The following COL16A1 variants were observed in gnomAD, a reference collection of about 807,000 sequenced individuals.
COL16A1 encodes the protein collagen alpha-1(XVI) chain.
COL16A1 carries 189 observed loss-of-function variants against 266.3 expected under a neutral mutation model. The ratio of observed to expected loss-of-function variants is 0.71; its 90% CI spans 0.63 to 0.80. The LOEUF (loss-of-function observed/expected upper bound fraction) is 0.80, where lower values mean the gene tolerates loss of function less well. COL16A1 is among the 30% of genes least tolerant of loss of function. The probability of loss-of-function intolerance (pLI) is 0.00; values close to 1 mark genes in which losing one functional copy is unlikely to be tolerated. For synonymous variants in COL16A1, 740 were observed against 782.3 expected (o/e 0.95, Z 0.90); for missense variants, 1,928 against 2,122.4 (o/e 0.91, Z 1.80).
rs1233386930 is a variant in COL16A1, at chr1:31,679,703, G to C, written c.2719-18C>G. The C allele has an allele frequency of 6.2e-7, 1 of 1,613,932 alleles. No individual in the cohort carries two copies. The highest frequency in any genetic ancestry group is 8.5e-7 in the Non-Finnish European group (1 of 1,179,966). ...GGTGGACCCTGAGGGAGAGAGAAAA[G>C]AGTCAGAGCCAGCAGAGAGCTCTGC... is the stretch of plus-strand genomic sequence containing the variant. On this transcript the variant is annotated intron_variant, in intron 41 of 70. Coordinates refer to ENST00000373672, the MANE Select transcript of COL16A1 (RefSeq NM_001856.4).
chr1:31,672,336 G>C, intron 47 of COL16A1, 80 bp downstream of exon 47: 1 of 1,526,328 alleles, frequency 6.6e-7, no homozygotes, highest in Non-Finnish European at 9.0e-7. Context: ...GTCAGGTGAG[G>C]CCTCGGAGGC....
intron 42 of COL16A1, among the ~76,000 whole-genome samples, chr1:31,677,567 A>G (rs1557650186): frequency 6.6e-6 from 1 of 152,208 alleles, no homozygotes; most frequent in South Asian, 2.1e-4. Flanking sequence ...AGCTGGGCTC[A>G]ATGACCTACT....
rs1641234509 is a variant in COL16A1, at chr1:31,657,126, G to A, written c.4021-58C>T. 1.9e-6 allele frequency: 3 copies of A among 1,607,548 alleles called. No homozygotes were observed. The highest frequency in any genetic ancestry group is 2.2e-5 in the South Asian group (2 of 90,960). On this transcript the variant is annotated intron_variant, in intron 64 of 70. Transcript: ENST00000373672. This position sits in a 1 kb window ranked among gnomAD's most constrained non-coding sequence, Gnocchi z 6.4. The stretch of plus-strand genomic sequence containing the variant: ...GCTCCAACCCAGTTTGGTGTCAGAT[G>A]CCTCACTTTGTACATGGGGCAAGCC...
At position 31,698,595 on chromosome 1, in the gene COL16A1, G is replaced by C; in HGVS notation, c.278C>G (p.Pro93Arg). The C allele has an allele frequency of 6.2e-7, 1 of 1,613,960 alleles. No homozygotes were observed. The highest frequency in any genetic ancestry group is 8.5e-7 in the Non-Finnish European group (1 of 1,179,984). Residue 93 changes from proline to arginine, a missense_variant, in exon 5 of 71, where the codon CCT (proline) becomes CGT (arginine). Coordinates refer to ENST00000373672, the MANE Select transcript of COL16A1 (RefSeq NM_001856.4). This position sits in a 1 kb window ranked among gnomAD's most constrained non-coding sequence, Gnocchi z 4.1. Reference sequence around the variant, plus strand: ...GGCAAACTCCTCCGGGAGACCCCGAGGGAATACTCTTCTGGAGATGGAGCA... The same window carrying C: ...GGCAAACTCCTCCGGGAGACCCCGACGGAATACTCTTCTGGAGATGGAGCA... ...PVTQPTRRVF[P>R]RGLPEEFALV...
rs1024545465 is a variant in COL16A1 at position 31,685,787 on chromosome 1, T to C, written c.1885-17A>G. 4.3e-6 allele frequency: 7 copies of C among 1,613,142 alleles called. No individual in the cohort carries two copies. The highest frequency in any genetic ancestry group is 5.9e-6 in the Non-Finnish European group (7 of 1,179,640). ...GGGCTCCCCCTGCCAAGCAAGGACA[T>C]TGAGTTAGGGGGTCCCCCAGGCCCT... is the stretch of plus-strand genomic sequence containing the variant. On this transcript the variant is annotated splice_polypyrimidine_tract_variant and intron_variant, in intron 28 of 70. Transcript: ENST00000373672. The surrounding 1 kb of genome is among the most constrained non-coding windows in gnomAD (Gnocchi z 4.0).
intron 49 of COL16A1, among the ~76,000 whole-genome samples, chr1:31,669,234 C>T (rs1642428051): frequency 6.6e-6 from 1 of 152,092 alleles, no homozygotes; most frequent in Non-Finnish European, 1.5e-5. Flanking sequence ...TTCTGAGGGG[C>T]AACTGTCAGG....
rs369244715 is a variant in COL16A1, at chr1:31,680,033, G to A, written c.2670+9C>T. 3.6e-5 allele frequency: 58 copies of A among 1,613,668 alleles called. No individual in the cohort carries two copies. The highest frequency in any genetic ancestry group is 4.3e-5 in the Non-Finnish European group (51 of 1,179,790). ...CCAGTTGGGGGAAGGCTCTCACAGC[G>A]CCACTTACCGGCATGCCAGAGAAGA... is the stretch of plus-strand genomic sequence containing the variant. On this transcript the variant is annotated intron_variant, in intron 40 of 70. Transcript: ENST00000373672.
chr1:31,654,519 A>AAGTGAGCTACCAATTTTCTTGT (rs1640931198), intron 68 of COL16A1, among the ~76,000 whole-genome samples: 1 of 152,138 alleles, frequency 6.6e-6, no homozygotes, highest in Non-Finnish European at 1.5e-5. Context: ...CTTCAGGCAG[A>AAGTGAGCTACCAATTTTCTTGT]CTCGTTTAAT....
intron 11 of COL16A1, 160 bp downstream of exon 11, chr1:31,695,026 C>A (rs1366845424): frequency 1.4e-5 from 10 of 719,838 alleles, no homozygotes; most frequent in Non-Finnish European, 2.4e-5. Flanking sequence ...GTGGAGATGG[C>A]AGTGGGGGTT....
chr1:31,669,249 G>T (rs1020383012), intron 49 of COL16A1, among the ~76,000 whole-genome samples: 1 of 151,984 alleles, frequency 6.6e-6, no homozygotes, highest in Non-Finnish European at 1.5e-5. Context: ...GTCAGGAGAG[G>T]TACCCCAGAT....
chr1:31,656,836 A>AG lies in COL16A1; in HGVS notation c.4056+196_4056+197insC. On this transcript the variant is annotated intron_variant, in intron 65 of 70. Coordinates refer to ENST00000373672, the MANE Select transcript of COL16A1 (RefSeq NM_001856.4). The surrounding 1 kb of genome is among the most constrained non-coding windows in gnomAD (Gnocchi z 4.2). ...AGGTACAGGGTTTAAAAAAAAAAAA[A>AG]AAAAGGTAAAACAAATCTCACTCCC... The AG allele has an allele frequency of 1.6e-6, 1 of 639,716 alleles. No homozygotes were observed. Among genetic ancestry groups the AG allele is most frequent in the East Asian group, 2.8e-5 (1 of 35,514 alleles). The allele number at this position is 639,716 out of a possible 1,614,324, so 39.6% of individuals were successfully genotyped here.
chr1:31,694,158 G>A lies in COL16A1; in HGVS notation c.994C>T (p.Pro332Ser), dbSNP rs1042819277. Residue 332 changes from proline (P) to serine (S), a missense_variant, in exon 12 of 71, where the codon CCC becomes TCC. This residue lies in a region of COL16A1 where 1,552 missense variants were observed against 1,637.2 expected (regional missense o/e 0.95). Coordinates refer to ENST00000373672, the MANE Select transcript of COL16A1 (RefSeq NM_001856.4). ...GARDSNVTLA[P>S]SGPKGGKGER... Reference sequence around the variant, plus strand: ...TTAGGACTCACCTTGGGGCCAGAGGGAGCAAGTGTGACCTGAGGGGACAGA... The same window carrying A: ...TTAGGACTCACCTTGGGGCCAGAGGAAGCAAGTGTGACCTGAGGGGACAGA... The A allele has an allele frequency of 2.5e-5, 40 of 1,598,032 alleles. No homozygotes were observed. Among genetic ancestry groups the A allele is most frequent in the Non-Finnish European group, 3.2e-5 (37 of 1,169,440 alleles).
At chr1:31,694,272 A>G in intron 11 of COL16A1, 102 bp from the exon 12 acceptor site, 1 of 910,050 alleles carries the variant, frequency 1.1e-6, no homozygotes, top group African/African-American at 1.7e-5. Flanking sequence ...GCATGGTAGC[A>G]GGACCAGCAG....
At position 31,672,364 on chromosome 1, in the gene COL16A1, G is replaced by GGCAGA. The variant is rs1434748700; in HGVS notation, c.3105+47_3105+51dup. ...TCGGAGGCCCCCAAGAGGTCTCAAAGGCAGACAGGGCCCCAGCTCCCTTGA... is the reference window on the plus strand; with the variant it reads ...TCGGAGGCCCCCAAGAGGTCTCAAAGGCAGAGCAGACAGGGCCCCAGCTCCCTTGA... On this transcript the variant is annotated intron_variant, in intron 47 of 70. Transcript: ENST00000373672. 9.0e-5 allele frequency: 145 copies of GGCAGA among 1,607,018 alleles called. 1 individual carries two copies. In the Admixed American group the frequency reaches 2.4e-3, roughly 27 times the overall value.
intron 44 of COL16A1, among the ~76,000 whole-genome samples, chr1:31,674,155 C>T (rs752780923): frequency 3.3e-5 from 5 of 152,156 alleles, no homozygotes; most frequent in Non-Finnish European, 7.3e-5. Flanking sequence ...CCATGCTCTG[C>T]CCTGACCAAG....
rs376629776 is a variant in COL16A1 at position 31,665,909 on chromosome 1, T to C, written c.3429A>G (p.Gln1143=). 3.7e-6 allele frequency: 6 copies of C among 1,613,988 alleles called. No homozygotes were observed. The African/African-American group carries it at 4.0e-5, about 11-fold the overall frequency. The change falls in exon 54 of 71, where the codon CAA becomes CAG. Residue 1143 remains glutamine (Q), a synonymous_variant. Coordinates refer to ENST00000373672, the MANE Select transcript of COL16A1 (RefSeq NM_001856.4). ...GGTCGCCCTTCTCACCGGAGTTACCTTGGGGTCCTCGCTCTCCTCTGGGAC... is the reference window on the plus strand; with the variant it reads ...GGTCGCCCTTCTCACCGGAGTTACCCTGGGGTCCTCGCTCTCCTCTGGGAC... The part of the protein sequence containing the change: ...PAGPRGERGP[Q]GNSGEKGDQG...
chr1:31,661,525 T>G (rs372347837), intron 59 of COL16A1, 67 bp from the exon 60 acceptor site: 149 of 1,613,408 alleles, frequency 9.2e-5, no homozygotes, highest in Non-Finnish European at 1.2e-4. Context: ...CACTCCTCCT[T>G]CCTCAGTTCA....
In COL16A1 at chr1:31,680,806, T is replaced by C. The variant is rs1226869107; in HGVS notation, c.2610+99A>G. 4 of 1,598,334 alleles carry C rather than the reference T, an allele frequency of 2.5e-6. No homozygotes were observed. In the Admixed American group the frequency reaches 6.7e-5, roughly 27 times the overall value. Reference sequence around the variant, plus strand: ...CTCCCCTGGTTCATGGTGGGAAGGCTGGAGGGGCTGCTAATCCCCCAGAGT... The same window carrying C: ...CTCCCCTGGTTCATGGTGGGAAGGCCGGAGGGGCTGCTAATCCCCCAGAGT... On this transcript the variant is annotated intron_variant, in intron 39 of 70. Transcript: ENST00000373672.
intron 37 of COL16A1, among the ~76,000 whole-genome samples, chr1:31,681,302 T>C (rs1449029510): frequency 6.6e-6 from 1 of 152,234 alleles, no homozygotes; most frequent in East Asian, 1.9e-4. Flanking sequence ...CGGGGAACAC[T>C]GAATGGAATC....
Sources: gnomAD v4.1 joint callset for allele counts (sites outside exome capture counted in the v4.1 genomes callset) on GRCh38, gnomAD v4.1.1 for gene constraint, gnomAD v4.1.1 regional missense constraint, Gnocchi (gnomAD v3.1) non-coding constraint, MANE v1.5 for transcripts, NCBI Gene and HGNC (gene_info 2026-07-23, HGNC 2026-07-21) for gene names.